Variants in MBD5 observed in about 807,000 individuals in gnomAD.
MBD5 encodes methyl-CpG-binding domain protein 5.
Under a neutral mutation model 117.3 loss-of-function variants are expected in MBD5, and 13 were observed. That is an observed-to-expected ratio of 0.11 (90% CI 0.07 to 0.18). The LOEUF (loss-of-function observed/expected upper bound fraction) is 0.18, where lower values mean the gene tolerates loss of function less well. Among genes scored for constraint, MBD5 ranks in the 10% least tolerant of loss-of-function variants. The pLI is 1.00. For synonymous variants in MBD5, 727 were observed against 766.4 expected (o/e 0.95, Z 0.85); for missense variants, 1,879 against 2,093.8 (o/e 0.90, Z 2.00).
chr2:148,210,345 A>G (rs960458743), intron 2 of MBD5, among the ~76,000 whole-genome samples: 1 of 151,854 alleles, frequency 6.6e-6, no homozygotes, highest in African/African-American at 2.4e-5. Context: ...AAAACTGGTT[A>G]ATTCTTTTTT....
intron 1 of MBD5, among the ~76,000 whole-genome samples, chr2:148,117,729 G>A (rs1696675742): frequency 6.6e-6 from 1 of 152,098 alleles, no homozygotes; most frequent in Admixed American, 6.6e-5. Flanking sequence ...GTATTTAACT[G>A]CATGGCAGAC....
intron 2 of MBD5, among the ~76,000 whole-genome samples, chr2:148,196,995 A>G (rs1699005317): frequency 6.6e-6 from 1 of 152,186 alleles, no homozygotes; most frequent in Admixed American, 6.5e-5. Flanking sequence ...TGCCAAAACC[A>G]GCTACAGAAA....
chr2:148,367,849 G>A (rs563882217), intron 4 of MBD5, among the ~76,000 whole-genome samples: 7 of 152,134 alleles, frequency 4.6e-5, no homozygotes, highest in Non-Finnish European at 8.8e-5. Context: ...AGGGGATGGG[G>A]AGAAATAGTA....
At chr2:148,271,659 T>C (rs1700989652) in intron 3 of MBD5, among the ~76,000 whole-genome samples, 1 of 152,206 alleles carries the variant, frequency 6.6e-6, no homozygotes, top group Admixed American at 6.5e-5. Flanking sequence ...CTCTGCCTTT[T>C]ATTATTTCTA....
chr2:148,204,767 A>G (rs1293029980), intron 2 of MBD5, among the ~76,000 whole-genome samples: 1 of 152,180 alleles, frequency 6.6e-6, no homozygotes, highest in Admixed American at 6.5e-5. Context: ...AACAAATATA[A>G]AGACAGTTTT....
At chr2:148,429,547 A>G (rs912545727) in intron 4 of MBD5, among the ~76,000 whole-genome samples, 2 of 152,136 alleles carry the variant, frequency 1.3e-5, no homozygotes, top group South Asian at 2.1e-4. Context: ...ACATGCACAC[A>G]TATGTTTATT....
chr2:148,143,244 A>G (rs183080179), intron 1 of MBD5, among the ~76,000 whole-genome samples: 54 of 152,334 alleles, frequency 3.5e-4, no homozygotes, highest in Admixed American at 5.9e-4. Flanking sequence ...GGTTTTGCTT[A>G]AAGTCGCAAT....
intron 2 of MBD5, among the ~76,000 whole-genome samples, chr2:148,218,064 G>T (rs577169529): frequency 1.3e-5 from 2 of 152,112 alleles, no homozygotes; most frequent in Non-Finnish European, 2.9e-5. Flanking sequence ...ACTCACTAGC[G>T]TATTAATACA....
chr2:148,243,565 A>T (rs2106205301), intron 3 of MBD5: 1 of 152,278 alleles, frequency 6.6e-6, no homozygotes, highest in East Asian at 1.9e-4. Context: ...ATTTAAAATA[A>T]TAAAGCTATC....
intron 3 of MBD5, among the ~76,000 whole-genome samples, chr2:148,243,330 T>A (rs1398367436): frequency 4.4e-5 from 6 of 135,670 alleles, no homozygotes; most frequent in Non-Finnish European, 6.7e-5. Context: ...TATAGAAAAA[T>A]TATTGTTATA....
intron 1 of MBD5, among the ~76,000 whole-genome samples, chr2:148,121,224 T>A (rs1363884710): frequency 6.6e-6 from 1 of 152,172 alleles, no homozygotes; most frequent in Admixed American, 6.5e-5. Flanking sequence ...TTTAACTATT[T>A]ACAAGTAAAA....
At chr2:148,494,785 C>G (rs1681646662) in intron 11 of MBD5, among the ~76,000 whole-genome samples, 6 of 152,054 alleles carry the variant, frequency 3.9e-5, no homozygotes, top group Admixed American at 3.9e-4. Context: ...CACGGTGAAA[C>G]CCCGTCTCTA....
chr2:148,169,931 T>C (rs1574090527), intron 1 of MBD5, among the ~76,000 whole-genome samples: 1 of 150,002 alleles, frequency 6.7e-6, no homozygotes, highest in East Asian at 2.0e-4. Context: ...GGAGTCTCGC[T>C]CTGTAGCCCA....
intron 2 of MBD5, among the ~76,000 whole-genome samples, chr2:148,207,228 T>C (rs2105988120): frequency 6.6e-6 from 1 of 152,114 alleles, no homozygotes; most frequent in South Asian, 2.1e-4. Flanking sequence ...CATATATAGG[T>C]TGTAAATTAA....
intron 2 of MBD5, among the ~76,000 whole-genome samples, chr2:148,229,943 T>C (rs1425466549): frequency 6.6e-6 from 1 of 152,198 alleles, no homozygotes; most frequent in Non-Finnish European, 1.5e-5. Context: ...GCTGGGAATA[T>C]TGTGACATAA....
intron 1 of MBD5, among the ~76,000 whole-genome samples, chr2:148,022,816 A>C (rs1283113464): frequency 6.6e-6 from 1 of 152,218 alleles, no homozygotes; most frequent in Non-Finnish European, 1.5e-5. Context: ...ATTGAAAGGT[A>C]AATCCAGATT....
At chr2:148,400,754 G>A (rs1357626436) in intron 4 of MBD5, among the ~76,000 whole-genome samples, 1 of 152,048 alleles carries the variant, frequency 6.6e-6, no homozygotes, top group African/African-American at 2.4e-5. Flanking sequence ...CTTGCAGTTA[G>A]CCAAATGTCT....
At chr2:148,089,083 G>A (rs1695870555) in intron 1 of MBD5, among the ~76,000 whole-genome samples, 1 of 152,070 alleles carries the variant, frequency 6.6e-6, no homozygotes, top group Admixed American at 6.6e-5. Context: ...AGACTTTAAA[G>A]TAACAACAGT....
chr2:148,420,407 AT>A (rs1439306471), intron 4 of MBD5, among the ~76,000 whole-genome samples: 1 of 151,966 alleles, frequency 6.6e-6, no homozygotes, highest in Non-Finnish European at 1.5e-5. Context: ...CTCCTATTTC[AT>A]TTTTGTATTT....
Sources: allele counts gnomAD v4.1 joint callset (sites outside exome capture counted in the v4.1 genomes callset), GRCh38; gene constraint gnomAD v4.1.1; transcripts MANE v1.5; gene names NCBI Gene and HGNC (gene_info 2026-07-23, HGNC 2026-07-21).